SLC10A4: variants seen among roughly 807,000 people sequenced by gnomAD.
SLC10A4 encodes putative sodium/bile acid cotransporter 4.
Under a neutral mutation model 22.5 loss-of-function variants are expected in SLC10A4, and 17 were observed. That is an observed-to-expected ratio of 0.76 (90% CI 0.52 to 1.14). SLC10A4 has a LOEUF of 1.14. SLC10A4 is among the 50% of genes most tolerant of loss of function. The pLI is 0.00. For synonymous variants in SLC10A4, 257 were observed against 258.2 expected, an observed-to-expected ratio of 1.00 and a Z score of 0.04; for missense variants, 548 against 584.0, an observed-to-expected ratio of 0.94 and a Z score of 0.64.
chr4:48,486,997 G>T (rs754640877), intron 2 of SLC10A4, among the ~76,000 whole-genome samples: 1 of 152,028 alleles, frequency 6.6e-6, no homozygotes, highest in Non-Finnish European at 1.5e-5. Flanking sequence ...CAACATTTAA[G>T]CTGTTCTCTC....
rs994244822 is a variant in SLC10A4, at chr4:48,489,114, T to C, written c.*175T>C. 7 of 719,330 alleles carry C rather than the reference T, an allele frequency of 9.7e-6. No homozygotes were observed. In the Admixed American group the frequency reaches 2.4e-4, roughly 25 times the overall value. The allele number at this position is 719,330 out of a possible 1,614,324, so 44.6% of individuals were successfully genotyped here. A position where few individuals can be genotyped will look rare whatever the true frequency, so the allele number is the denominator to read the frequency against. On this transcript the variant is annotated 3_prime_UTR_variant, in exon 3 of 3. Transcript: ENST00000273861. ...ACCAAACGTTGTCACAAATTACAAA[T>C]CAATGCTGTAATATAATTTGCACCT...
intron 2 of SLC10A4, among the ~76,000 whole-genome samples, 194 bp downstream of exon 2, chr4:48,485,336 TTTAA>T (rs1468380067): frequency 6.6e-6 from 1 of 152,210 alleles, no homozygotes; most frequent in Non-Finnish European, 1.5e-5. Context: ...GAATGACAGC[TTTAA>T]TTAAGACACA....
intron 1 of SLC10A4, 61 bp from the exon 2 acceptor site, chr4:48,484,871 A>T: frequency 2.0e-6 from 3 of 1,495,202 alleles, no homozygotes; most frequent in Non-Finnish European, 2.8e-6. Flanking sequence ...TACAAGAAAA[A>T]GGTTAGCTGG....
intron 2 of SLC10A4, among the ~76,000 whole-genome samples, chr4:48,488,164 G>A (rs1333803479): frequency 2.7e-5 from 4 of 150,418 alleles, no homozygotes; most frequent in African/African-American, 9.8e-5. Context: ...TCGCTCCTGA[G>A]AGCCTATATC....
In SLC10A4 at chr4:48,483,455, G is replaced by C. The variant is rs1718215311; in HGVS notation, c.-107G>C. 1.1e-6 allele frequency: 1 copy of C among 903,488 alleles called. No individual in the cohort carries two copies. Among genetic ancestry groups the C allele is most frequent in the African/African-American group, 1.8e-5 (1 of 56,362 alleles). The allele number at this position is 903,488 out of a possible 1,614,324, so 56.0% of individuals were successfully genotyped here. A position where few individuals can be genotyped will look rare whatever the true frequency, so the allele number is the denominator to read the frequency against. ...CGAGCACGTCAGCGGCGCGCAGCCGGGGCTCGGAGACCGACGGGCAGAACG... is the reference window on the plus strand; with the variant it reads ...CGAGCACGTCAGCGGCGCGCAGCCGCGGCTCGGAGACCGACGGGCAGAACG... On this transcript the variant is annotated 5_prime_UTR_variant, in exon 1 of 3. Coordinates refer to ENST00000273861, the MANE Select transcript of SLC10A4 (RefSeq NM_152679.4). This position sits in a 1 kb window ranked among gnomAD's most constrained non-coding sequence, Gnocchi z 5.4.
chr4:48,489,056 A>G lies in SLC10A4; in HGVS notation c.*117A>G. On this transcript the variant is annotated 3_prime_UTR_variant, in exon 3 of 3. Transcript: ENST00000273861. Reference sequence around the variant, plus strand: ...ACTGGTTCACATCATACATGTAACAATTCTGATCTTTTTAAGGTTCACTGG... The same window carrying G: ...ACTGGTTCACATCATACATGTAACAGTTCTGATCTTTTTAAGGTTCACTGG... The G allele has an allele frequency of 8.2e-7, 1 of 1,213,972 alleles. No individual in the cohort carries two copies. The highest frequency in any genetic ancestry group is 1.1e-6 in the Non-Finnish European group (1 of 875,964). The allele number at this position is 1,213,972 out of a possible 1,614,324, so 75.2% of individuals were successfully genotyped here. A position where few individuals can be genotyped will look rare whatever the true frequency, so the allele number is the denominator to read the frequency against.
rs1258480643 is a variant in SLC10A4, at chr4:48,483,809, C to G, written c.248C>G (p.Ser83Cys). 1.4e-5 allele frequency: 22 copies of G among 1,524,396 alleles called. No individual in the cohort carries two copies. The East Asian group carries it at 5.3e-4, about 37-fold the overall frequency. 94.4% of individuals were successfully genotyped at this position (1,524,396 alleles called of 1,614,324 possible). The change falls in exon 1 of 3, where the codon TCC (serine) becomes TGC (cysteine). Residue 83 changes from serine to cysteine, a missense_variant. Around this residue, in one of 3 missense-constraint regions of SLC10A4, gnomAD observed 225 missense variants for 206.9 expected, o/e 1.09. Coordinates refer to ENST00000273861, the MANE Select transcript of SLC10A4 (RefSeq NM_152679.4). The surrounding 1 kb of genome is among the most constrained non-coding windows in gnomAD (Gnocchi z 5.4). ...LAGGAASHGP[S>C]PFPRPWAPHA... Reference sequence around the variant, plus strand: ...GGCGGCGCGGCGAGCCACGGCCCTTCCCCGTTCCCTCGGCCCTGGGCGCCC... The same window carrying G: ...GGCGGCGCGGCGAGCCACGGCCCTTGCCCGTTCCCTCGGCCCTGGGCGCCC...
In SLC10A4 at chr4:48,488,855, A is replaced by C. The variant is rs200226010; in HGVS notation, c.1230A>C (p.Lys410Asn). Reference sequence around the variant, plus strand: ...CAGATATTTCTTATAAAAAACTAAAAGAAGAGGAAATGGCAGACACTTCCT... The same window carrying C: ...CAGATATTTCTTATAAAAAACTAAACGAAGAGGAAATGGCAGACACTTCCT... The part of the protein sequence containing the change: ...EDTDISYKKL[K>N]EEEMADTSYG... Residue 410 changes from lysine to asparagine, a missense_variant, in exon 3 of 3, where the codon AAA becomes AAC. Lys to Asn is a moderately conservative substitution (Grantham distance 94). Coordinates refer to ENST00000273861, the MANE Select transcript of SLC10A4 (RefSeq NM_152679.4). 23 of 1,613,800 alleles carry C rather than the reference A, an allele frequency of 1.4e-5. No homozygotes were observed. The highest frequency in any genetic ancestry group is 1.7e-6 in the Non-Finnish European group (2 of 1,179,946).
In SLC10A4 at chr4:48,489,169, T is replaced by C; in HGVS notation, c.*230T>C. 4.6e-6 allele frequency: 2 copies of C among 436,396 alleles called. No homozygotes were observed. Among genetic ancestry groups the C allele is most frequent in the Non-Finnish European group, 7.9e-6 (2 of 254,178 alleles). 27.0% of individuals were successfully genotyped at this position (436,396 alleles called of 1,614,324 possible). A position where few individuals can be genotyped will look rare whatever the true frequency, so the allele number is the denominator to read the frequency against. ...TGGCTAACGTGAAGCCTGAATTAAATGTGGTTTTTAGTTTTTACCATCACC... is the reference window on the plus strand; with the variant it reads ...TGGCTAACGTGAAGCCTGAATTAAACGTGGTTTTTAGTTTTTACCATCACC... On this transcript the variant is annotated 3_prime_UTR_variant, in exon 3 of 3. Coordinates refer to ENST00000273861, the MANE Select transcript of SLC10A4 (RefSeq NM_152679.4).
At position 48,483,850 on chromosome 4, in the gene SLC10A4, T is replaced by C; in HGVS notation, c.289T>C (p.Trp97Arg). Residue 97 changes from tryptophan (W) to arginine (R), a missense_variant, in exon 1 of 3, where the codon TGG (tryptophan) becomes CGG (arginine). This residue lies in a region of SLC10A4 where 225 missense variants were observed against 206.9 expected (regional missense o/e 1.09). Transcript: ENST00000273861. This position sits in a 1 kb window ranked among gnomAD's most constrained non-coding sequence, Gnocchi z 5.4. ...CTGGGCGCCCCACGCGCTCCCGTTC[T>C]GGGACACGCCGCTGAACCACGGGCT... ...RPWAPHALPF[W>R]DTPLNHGLNV... The C allele has an allele frequency of 1.3e-6, 2 of 1,540,656 alleles. No individual in the cohort carries two copies. The highest frequency in any genetic ancestry group is 2.4e-5 in the South Asian group (2 of 83,700).
Position 48,483,379 on chromosome 4 carries a change from G to T in SLC10A4, c.-183G>T. 2.9e-6 allele frequency: 1 copy of T among 339,506 alleles called. No individual in the cohort carries two copies. Among genetic ancestry groups the T allele is most frequent in the Non-Finnish European group, 5.2e-6 (1 of 193,584 alleles). The allele number at this position is 339,506 out of a possible 1,614,324, so 21.0% of individuals were successfully genotyped here. ...CGCGCTGCGCGGAGTGCCAGGCTGC[G>T]GGCGGCTGCAGACCTGGGAGCGGAG... On this transcript the variant is annotated 5_prime_UTR_variant, in exon 1 of 3. Coordinates refer to ENST00000273861, the MANE Select transcript of SLC10A4 (RefSeq NM_152679.4). This position sits in a 1 kb window ranked among gnomAD's most constrained non-coding sequence, Gnocchi z 5.4.
Position 48,489,052 on chromosome 4 carries a change from A to G in SLC10A4, c.*113A>G, listed in dbSNP as rs1718340914. The G allele has an allele frequency of 1.6e-6, 2 of 1,232,026 alleles. No individual in the cohort carries two copies. The highest frequency in any genetic ancestry group is 2.2e-6 in the Non-Finnish European group (2 of 890,628). The allele number at this position is 1,232,026 out of a possible 1,614,324, so 76.3% of individuals were successfully genotyped here. A position where few individuals can be genotyped will look rare whatever the true frequency, so the allele number is the denominator to read the frequency against. On this transcript the variant is annotated 3_prime_UTR_variant, in exon 3 of 3. Coordinates refer to ENST00000273861, the MANE Select transcript of SLC10A4 (RefSeq NM_152679.4). ...TAACACTGGTTCACATCATACATGT[A>G]ACAATTCTGATCTTTTTAAGGTTCA...
rs1215973850 is a variant in SLC10A4 at position 48,488,322 on chromosome 4, A to G, written c.802-105A>G. On this transcript the variant is annotated intron_variant, in intron 2 of 2. Transcript: ENST00000273861. ...CAGAAATATTCTGTCAAAGGTCTCC[A>G]TTTTGTGTTGGAGAGCATACTAGAT... 18 of 1,029,394 alleles carry G rather than the reference A, an allele frequency of 1.7e-5. No individual in the cohort carries two copies. The Admixed American group carries it at 3.1e-4, about 18-fold the overall frequency. The allele number at this position is 1,029,394 out of a possible 1,614,324, so 63.8% of individuals were successfully genotyped here. A position where few individuals can be genotyped will look rare whatever the true frequency, so the allele number is the denominator to read the frequency against.
rs539947639 is a variant in SLC10A4, at chr4:48,484,071, G to A, written c.510G>A (p.Ala170=). 6.2e-6 allele frequency: 10 copies of A among 1,605,404 alleles called. No individual in the cohort carries two copies. Among genetic ancestry groups the A allele is most frequent in the Non-Finnish European group, 7.6e-6 (9 of 1,178,566 alleles). ...AGCTGGACGAGGTGGCCGCCGTGGC[G>A]GTGCTCCTGTGTGGCTGCTGTCCCG... ...AFKLDEVAAV[A]VLLCGCCPGG... Residue 170 remains alanine, a synonymous_variant, in exon 1 of 3, where the codon GCG becomes GCA. Transcript: ENST00000273861.
chr4:48,488,362 G>A (rs763048379), intron 2 of SLC10A4, 65 bp from the exon 3 acceptor site: 258 of 1,422,796 alleles, frequency 1.8e-4, no homozygotes, highest in Non-Finnish European at 2.3e-4. Flanking sequence ...GTTTTCTTCC[G>A]TGAGCTTAGG....
chr4:48,484,158 ATCTG>A lies in SLC10A4; in HGVS notation c.590+11_590+14del, dbSNP rs1560480025. On this transcript the variant is annotated splice_region_variant and intron_variant, in intron 1 of 2. Coordinates refer to ENST00000273861, the MANE Select transcript of SLC10A4 (RefSeq NM_152679.4). ...ACGGCGACATGAACCTCAGGTACGGATCTGTCTATTCCTTGGGCATCTGTCTCAT... is the reference window on the plus strand; with the variant it reads ...ACGGCGACATGAACCTCAGGTACGGATCTATTCCTTGGGCATCTGTCTCAT... 2 of 1,561,768 alleles carry A rather than the reference ATCTG, an allele frequency of 1.3e-6. No individual in the cohort carries two copies. Among genetic ancestry groups the A allele is most frequent in the Admixed American group, 1.8e-5 (1 of 56,552 alleles).
chr4:48,485,360 A>G (rs1718267257), intron 2 of SLC10A4, among the ~76,000 whole-genome samples: 1 of 152,256 alleles, frequency 6.6e-6, no homozygotes, highest in Non-Finnish European at 1.5e-5. Context: ...AGCTTAATCA[A>G]AACCAGCATA....
chr4:48,483,958 G>C lies in SLC10A4; in HGVS notation c.397G>C (p.Val133Leu). The C allele has an allele frequency of 6.5e-7, 1 of 1,546,618 alleles. No individual in the cohort carries two copies. The highest frequency in any genetic ancestry group is 1.9e-5 in the Admixed American group (1 of 51,490). Reference protein sequence around the residue: ...TVDVNHFGAHVRRPVGALLAA... With the variant: ...TVDVNHFGAHLRRPVGALLAA... ...GGACGTGAACCACTTCGGGGCGCAC[G>C]TCCGTCGGCCCGTGGGCGCGCTGCT... The change falls in exon 1 of 3, where the codon GTC (valine) becomes CTC (leucine). Residue 133 changes from valine (V) to leucine (L), a missense_variant. Physicochemically the swap from Val to Leu is conservative, Grantham distance 32 (BLOSUM62 1). Transcript: ENST00000273861. The surrounding 1 kb of genome is among the most constrained non-coding windows in gnomAD (Gnocchi z 5.4).
In SLC10A4 at chr4:48,488,816, T is replaced by A. The variant is rs745785795; in HGVS notation, c.1191T>A (p.Asp397Glu). The stretch of plus-strand genomic sequence containing the variant: ...TGTTGCACAAGCGAGATCCTCTAGA[T>A]GAAGATGAAGATACAGATATTTCTT... ...SEMLHKRDPL[D>E]EDEDTDISYK... The change falls in exon 3 of 3, where the codon GAT becomes GAA. Residue 397 changes from aspartate to glutamate, a missense_variant. Asp to Glu is a conservative substitution (Grantham distance 45). This residue lies in a region of SLC10A4 where 314 missense variants were observed against 353.2 expected (regional missense o/e 0.89). Transcript: ENST00000273861. The A allele has an allele frequency of 6.2e-7, 1 of 1,613,034 alleles. No homozygotes were observed. The highest frequency in any genetic ancestry group is 1.7e-5 in the Admixed American group (1 of 59,946).
Sources: allele counts gnomAD v4.1 joint callset (sites outside exome capture counted in the v4.1 genomes callset), GRCh38; gene constraint gnomAD v4.1.1; regional missense constraint gnomAD v4.1.1; non-coding constraint Gnocchi (gnomAD v3.1); transcripts MANE v1.5; gene names NCBI Gene and HGNC (gene_info 2026-07-23, HGNC 2026-07-21).